ARHGAP24: variants seen among roughly 807,000 people sequenced by gnomAD.
The protein encoded by ARHGAP24 is Rho GTPase activating protein 24.
A neutral mutation model predicts 76.4 loss-of-function variants in ARHGAP24; 50 were observed. The ratio of observed to expected loss-of-function variants is 0.65; its 90% CI spans 0.52 to 0.83. The LOEUF is 0.83. Among genes scored for constraint, ARHGAP24 ranks in the 40% least tolerant of loss-of-function variants. ARHGAP24 has a pLI of 0.00. For missense variants in ARHGAP24, 930 were observed against 914.2 expected, an observed-to-expected ratio of 1.02 and a Z score of -0.22; for synonymous variants, 345 against 323.3, an observed-to-expected ratio of 1.07 and a Z score of -0.72.
chr4:85,518,497 G>T (rs1246142128), intron 1 of ARHGAP24, among the ~76,000 whole-genome samples: 1 of 152,046 alleles, frequency 6.6e-6, no homozygotes, highest in Non-Finnish European at 1.5e-5. Flanking sequence ...CATATTTGTA[G>T]TCTTTTATGC....
chr4:85,486,194 G>A (rs574337370), intron 1 of ARHGAP24, among the ~76,000 whole-genome samples: 1 of 152,226 alleles, frequency 6.6e-6, no homozygotes, highest in South Asian at 2.1e-4. Context: ...CAGATTTCAT[G>A]TACCATTGGG....
intron 3 of ARHGAP24, among the ~76,000 whole-genome samples, chr4:85,859,069 G>A (rs1328397593): frequency 2.0e-5 from 3 of 152,006 alleles, no homozygotes; most frequent in African/African-American, 7.3e-5. Flanking sequence ...TTCACACATT[G>A]CTGCAGGTTG....
chr4:85,975,138 A>G (rs148028787), intron 7 of ARHGAP24, among the ~76,000 whole-genome samples, 177 bp downstream of exon 7: 135 of 152,342 alleles, frequency 8.9e-4, no homozygotes, highest in African/African-American at 3.2e-3. Flanking sequence ...TAAATTGCTT[A>G]ACTTTGAAAT....
At chr4:85,742,808 T>A (rs1725874923) in intron 3 of ARHGAP24, among the ~76,000 whole-genome samples, 1 of 152,224 alleles carries the variant, frequency 6.6e-6, no homozygotes, top group Non-Finnish European at 1.5e-5. Flanking sequence ...CAAAAACAAT[T>A]GCCTTAAATT....
At chr4:85,630,091 C>T (rs1306591474) in intron 2 of ARHGAP24, among the ~76,000 whole-genome samples, 2 of 151,908 alleles carry the variant, frequency 1.3e-5, no homozygotes, top group Non-Finnish European at 2.9e-5. Context: ...TGTCCTTGAG[C>T]TTGCTAATTA....
At chr4:85,869,855 G>C (rs1350550870) in intron 3 of ARHGAP24, among the ~76,000 whole-genome samples, 1 of 152,152 alleles carries the variant, frequency 6.6e-6, no homozygotes, top group East Asian at 1.9e-4. Context: ...CTTCAGAACA[G>C]CCCTGGAGGT....
chr4:85,790,432 T>C (rs890837105), intron 3 of ARHGAP24, among the ~76,000 whole-genome samples: 1 of 152,218 alleles, frequency 6.6e-6, no homozygotes, highest in Non-Finnish European at 1.5e-5. Context: ...TCTTTAGTTT[T>C]ATTGTCTCTA....
chr4:85,721,277 T>G (rs1331285188), intron 2 of ARHGAP24, among the ~76,000 whole-genome samples: 1 of 151,830 alleles, frequency 6.6e-6, no homozygotes, highest in East Asian at 1.9e-4. Context: ...ATGCCTGTAA[T>G]CCCAGCTACT....
chr4:85,477,624 A>C (rs1183473301), intron 1 of ARHGAP24, among the ~76,000 whole-genome samples: 2 of 152,134 alleles, frequency 1.3e-5, no homozygotes, highest in Non-Finnish European at 2.9e-5. Flanking sequence ...AGGAGTGGGC[A>C]GGAAGGGTGA....
intron 3 of ARHGAP24, among the ~76,000 whole-genome samples, chr4:85,921,990 A>G (rs1735746705): frequency 6.6e-6 from 1 of 152,180 alleles, no homozygotes; most frequent in Admixed American, 6.5e-5. Context: ...GGGATCACTG[A>G]TGATCAACCT....
At chr4:85,641,611 C>T (rs1721525022) in intron 2 of ARHGAP24, among the ~76,000 whole-genome samples, 2 of 152,222 alleles carry the variant, frequency 1.3e-5, no homozygotes, top group Admixed American at 6.5e-5. Flanking sequence ...ACCTTAACCA[C>T]CTTGCAATAC....
intron 3 of ARHGAP24, among the ~76,000 whole-genome samples, chr4:85,860,504 C>A (rs942175991): frequency 1.1e-4 from 17 of 152,040 alleles, no homozygotes; most frequent in African/African-American, 4.1e-4. Flanking sequence ...GAACAAGAGG[C>A]TTTTACTGCA....
intron 8 of ARHGAP24, among the ~76,000 whole-genome samples, chr4:85,989,502 AAAG>A (rs1272412395): frequency 5.9e-5 from 9 of 151,776 alleles, no homozygotes; most frequent in Admixed American, 3.3e-4. Context: ...TTTCAGAAAA[AAAG>A]AAGTAGAGGG....
chr4:85,854,929 C>T (rs1465245439), intron 3 of ARHGAP24, among the ~76,000 whole-genome samples: 1 of 152,168 alleles, frequency 6.6e-6, no homozygotes, highest in African/African-American at 2.4e-5. Flanking sequence ...GAACAAGGGA[C>T]TATTTACAGG....
rs577159862 is a variant in ARHGAP24 at position 85,653,986 on chromosome 4, A to G, written c.181-67899A>G. 2.0e-5 allele frequency among the ~76,000 whole-genome samples: 3 copies of G among 152,042 alleles called. No homozygotes were observed. In the East Asian group the frequency reaches 5.8e-4, roughly 29 times the overall value. On this transcript the variant is annotated intron_variant, in intron 2 of 9. Transcript: ENST00000395184. ...CCTTATATTATTAATAATTATTATT[A>G]TAATTATAATAGAGGTAGATGTAGC...
chr4:85,900,725 T>A (rs1490650254), intron 3 of ARHGAP24, among the ~76,000 whole-genome samples: 1 of 152,112 alleles, frequency 6.6e-6, no homozygotes, highest in Non-Finnish European at 1.5e-5. Context: ...TGCGCCCGGC[T>A]GGGAAGACCG....
intron 2 of ARHGAP24, among the ~76,000 whole-genome samples, chr4:85,662,303 C>T (rs1722423859): frequency 6.6e-6 from 1 of 151,810 alleles, no homozygotes; most frequent in Non-Finnish European, 1.5e-5. Flanking sequence ...TTTTTGGCTG[C>T]ATAAATGTCT....
At chr4:85,946,796 G>T (rs1737294627) in intron 5 of ARHGAP24, among the ~76,000 whole-genome samples, 2 of 152,246 alleles carry the variant, frequency 1.3e-5, no homozygotes, top group Admixed American at 6.5e-5. Context: ...GAACATATAG[G>T]TGTATGTGTC....
intron 3 of ARHGAP24, among the ~76,000 whole-genome samples, chr4:85,839,409 C>A (rs572796327): frequency 2.0e-5 from 3 of 152,282 alleles, no homozygotes; most frequent in East Asian, 3.9e-4. Flanking sequence ...TTTATCAGTT[C>A]AGATAAAGCT....
Sources: gnomAD v4.1 joint callset for allele counts (sites outside exome capture counted in the v4.1 genomes callset) on GRCh38, gnomAD v4.1.1 for gene constraint, MANE v1.5 for transcripts, NCBI Gene and HGNC (gene_info 2026-07-23, HGNC 2026-07-21) for gene names.